The following IFT80 variants were observed in gnomAD, a reference collection of about 807,000 sequenced individuals.
The protein encoded by IFT80 is intraflagellar transport protein 80 homolog.
In IFT80, 79 loss-of-function variants were observed where a neutral mutation model predicts 107.9. The observed-to-expected ratio is 0.73, with a 90% confidence interval of 0.61 to 0.88. IFT80 has a LOEUF of 0.88. Among genes scored for constraint, IFT80 ranks in the 40% least tolerant of loss-of-function variants. The pLI, the probability that IFT80 is intolerant of heterozygous loss-of-function variation, is 0.00. For missense variants in IFT80, 797 were observed against 914.2 expected (o/e 0.87, Z 1.65); for synonymous variants, 299 against 300.9 (o/e 0.99, Z 0.07).
intron 12 of IFT80, among the ~76,000 whole-genome samples, chr3:160,288,075 T>G (rs1715234241): frequency 6.6e-6 from 1 of 152,362 alleles, no homozygotes; most frequent in Admixed American, 6.5e-5. Context: ...CTGGGCGCAG[T>G]GGCTCACGCC....
rs1712491416 is a variant in IFT80 at position 160,257,984 on chromosome 3, G to A, written c.*541C>T. ...CCATTGTATGTATTATAGCACATTTGTTTATCCATTCATGATAGACACTTG... is the reference window on the plus strand; with the variant it reads ...CCATTGTATGTATTATAGCACATTTATTTATCCATTCATGATAGACACTTG... On this transcript the variant is annotated 3_prime_UTR_variant, in exon 20 of 20. Transcript: ENST00000326448. 1 of 159,806 alleles carries A rather than the reference G, an allele frequency of 6.3e-6. No individual in the cohort carries two copies. Among genetic ancestry groups the A allele is most frequent in the Non-Finnish European group, 1.4e-5 (1 of 72,794 alleles). The allele number at this position is 159,806 out of a possible 1,614,324, so 9.9% of individuals were successfully genotyped here.
At position 160,319,819 on chromosome 3, in the gene IFT80, C is replaced by T; in HGVS notation, c.898G>A (p.Glu300Lys). The change falls in exon 9 of 20, where the codon GAA (glutamate) becomes AAA (lysine). Residue 300 changes from glutamate (E) to lysine (K), a missense_variant. Transcript: ENST00000326448. Reference sequence around the variant, plus strand: ...AAATTTTTCCACTCCCAATGTTGTTCCACCACATGTGCAAAAACGACATGT... The same window carrying T: ...AAATTTTTCCACTCCCAATGTTGTTTCACCACATGTGCAAAAACGACATGT... ...NGHVVFAHVV[E>K]QHWEWKNFQV... 6.2e-7 allele frequency: 1 copy of T among 1,612,990 alleles called. No homozygotes were observed. The highest frequency in any genetic ancestry group is 8.5e-7 in the Non-Finnish European group (1 of 1,179,268).
At chr3:160,398,392 A>G (rs1422538351) in intron 1 of IFT80, among the ~76,000 whole-genome samples, 2 of 152,228 alleles carry the variant, frequency 1.3e-5, no homozygotes, top group Non-Finnish European at 2.9e-5. Context: ...TAAGTAAGCA[A>G]AAGTTAAAGA....
chr3:160,377,414 T>G lies in IFT80; in HGVS notation c.370+16A>C. The G allele has an allele frequency of 7.1e-7, 1 of 1,413,440 alleles. No individual in the cohort carries two copies. The highest frequency in any genetic ancestry group is 1.0e-6 in the Non-Finnish European group (1 of 997,634). 87.6% of individuals were successfully genotyped at this position (1,413,440 alleles called of 1,614,324 possible). A position where few individuals can be genotyped will look rare whatever the true frequency, so the allele number is the denominator to read the frequency against. ...TAAAATATTCATTTCAAATGTCATT[T>G]TTACAGACAACTTACCTGTAACTAA... On this transcript the variant is annotated intron_variant, in intron 4 of 19. Coordinates refer to ENST00000326448, the MANE Select transcript of IFT80 (RefSeq NM_020800.3).
Position 160,335,759 on chromosome 3 carries a change from T to C in IFT80, c.778-15820A>G, listed in dbSNP as rs192978529. Among the ~76,000 whole-genome samples, 19 of 152,124 alleles carry C rather than the reference T, an allele frequency of 1.2e-4. No homozygotes were observed. In the South Asian group the frequency reaches 3.6e-3, roughly 29 times the overall value. ...CAAAGTTGTGCAACAATCACCACTA[T>C]CTAATTTCAGAACATTTTCATCACC... On this transcript the variant is annotated intron_variant, in intron 8 of 19. Transcript: ENST00000326448.
At chr3:160,308,662 A>G (rs1717007022) in intron 9 of IFT80, among the ~76,000 whole-genome samples, 1 of 152,212 alleles carries the variant, frequency 6.6e-6, no homozygotes, top group Non-Finnish European at 1.5e-5. Context: ...TGACAATTAT[A>G]ATATTAATGA....
At chr3:160,328,828 C>T (rs1447311095) in intron 8 of IFT80, among the ~76,000 whole-genome samples, 1 of 152,074 alleles carries the variant, frequency 6.6e-6, no homozygotes, top group Non-Finnish European at 1.5e-5. Context: ...AGATCATGTC[C>T]TTCTCAGGGA....
At position 160,383,735 on chromosome 3, in the gene IFT80, C is replaced by T. The variant is rs192577196; in HGVS notation, c.37+829G>A. The T allele has an allele frequency of 3.3e-5, 33 of 985,284 alleles. No individual in the cohort carries two copies. The East Asian group carries it at 2.8e-3, about 85-fold the overall frequency. The allele number at this position is 985,284 out of a possible 1,614,324, so 61.0% of individuals were successfully genotyped here. A position where few individuals can be genotyped will look rare whatever the true frequency, so the allele number is the denominator to read the frequency against. Reference sequence around the variant, plus strand: ...ATGATAGTGGGGCCTGTCATATCTCCTTGACACATAACTGGGGACTCTTGC... The same window carrying T: ...ATGATAGTGGGGCCTGTCATATCTCTTTGACACATAACTGGGGACTCTTGC... On this transcript the variant is annotated intron_variant, in intron 2 of 19. Coordinates refer to ENST00000326448, the MANE Select transcript of IFT80 (RefSeq NM_020800.3).
Position 160,303,363 on chromosome 3 carries a change from G to T in IFT80, c.1151+552C>A, listed in dbSNP as rs113997492. ...CCTAATTTACTCCAGTTAATTGCCT[G>T]GCATTTCTTAGTCCTGTATACACTG... On this transcript the variant is annotated intron_variant, in intron 11 of 19. Coordinates refer to ENST00000326448, the MANE Select transcript of IFT80 (RefSeq NM_020800.3). Among the ~76,000 whole-genome samples, 1,061 of 152,214 alleles carry T rather than the reference G, an allele frequency of 7.0e-3. 11 individuals carry two copies. Among genetic ancestry groups the T allele is most frequent in the African/African-American group, 0.024 (992 of 41,546 alleles).
chr3:160,351,932 A>G (rs1252800995), intron 8 of IFT80, among the ~76,000 whole-genome samples: 5 of 152,114 alleles, frequency 3.3e-5, no homozygotes, highest in Non-Finnish European at 5.9e-5. Context: ...AGTCTAGAAC[A>G]TTAAGAGATA....
intron 13 of IFT80, 66 bp from the exon 14 acceptor site, chr3:160,282,679 A>G: frequency 1.1e-6 from 1 of 930,218 alleles, no homozygotes; most frequent in Non-Finnish European, 1.7e-6. Flanking sequence ...CATTTTAATT[A>G]ATTATAAAAT....
chr3:160,362,587 T>C (rs1022451821), intron 6 of IFT80, among the ~76,000 whole-genome samples: 2 of 152,242 alleles, frequency 1.3e-5, no homozygotes, highest in Admixed American at 6.5e-5. Flanking sequence ...TTTAGACCAA[T>C]ATCCCTGATG....
chr3:160,370,787 T>C (rs1722179035), intron 5 of IFT80, among the ~76,000 whole-genome samples: 1 of 152,176 alleles, frequency 6.6e-6, no homozygotes, highest in South Asian at 2.1e-4. Flanking sequence ...AATTTATCCC[T>C]CTTTGAAGTC....
At chr3:160,283,238 A>G (rs1714829492) in intron 13 of IFT80, among the ~76,000 whole-genome samples, 1 of 152,212 alleles carries the variant, frequency 6.6e-6, no homozygotes, top group Non-Finnish European at 1.5e-5. Context: ...CTCCAAGATC[A>G]CTGCTTTTCA....
At chr3:160,268,353 T>C in intron 19 of IFT80, 60 bp downstream of exon 19, 1 of 1,417,786 alleles carries the variant, frequency 7.1e-7, no homozygotes, top group Non-Finnish European at 9.9e-7. Flanking sequence ...CTCATTAGGA[T>C]GAATATGACA....
intron 8 of IFT80, among the ~76,000 whole-genome samples, chr3:160,331,258 G>A (rs1367733184): frequency 3.3e-5 from 5 of 152,150 alleles, no homozygotes; most frequent in Non-Finnish European, 5.9e-5. Context: ...AGTAACTTAC[G>A]GGTGGGTAGT....
chr3:160,371,468 G>A (rs1711523164), intron 5 of IFT80, among the ~76,000 whole-genome samples: 1 of 152,036 alleles, frequency 6.6e-6, no homozygotes, highest in South Asian at 2.1e-4. Context: ...TTGAGAAAGG[G>A]TCTTACTCTG....
Position 160,321,641 on chromosome 3 carries a change from T to C in IFT80, c.778-1702A>G, listed in dbSNP as rs181537498. 8.6e-5 allele frequency among the ~76,000 whole-genome samples: 13 copies of C among 151,952 alleles called. No individual in the cohort carries two copies. The East Asian group carries it at 2.3e-3, about 27-fold the overall frequency. ...TAGGGAAAGTAAGAGATTAACAATG[T>C]CTAATAATACAATAGAACAATTATA... On this transcript the variant is annotated intron_variant, in intron 8 of 19. Transcript: ENST00000326448.
chr3:160,281,735 C>T (rs1451586842), intron 14 of IFT80, among the ~76,000 whole-genome samples: 4 of 152,210 alleles, frequency 2.6e-5, no homozygotes, highest in South Asian at 2.1e-4. Flanking sequence ...AAGGGAAAAA[C>T]GCCTCAAGTG....
Sources: allele counts gnomAD v4.1 joint callset (sites outside exome capture counted in the v4.1 genomes callset), GRCh38; gene constraint gnomAD v4.1.1; transcripts MANE v1.5; gene names NCBI Gene and HGNC (gene_info 2026-07-23, HGNC 2026-07-21).